The following CD200R1 variants were observed in gnomAD, a reference collection of about 807,000 sequenced individuals.
CD200R1 encodes the protein CD200 receptor 1.
Under a neutral mutation model 38.1 loss-of-function variants are expected in CD200R1, and 30 were observed. That is an observed-to-expected ratio of 0.79 (90% CI 0.59 to 1.07). The LOEUF is 1.07. Among genes scored for constraint, CD200R1 ranks in the 50% least tolerant of loss-of-function variants. CD200R1 has a pLI of 0.00. For missense variants in CD200R1, 372 were observed against 415.4 expected (o/e 0.90, Z 0.91); for synonymous variants, 128 against 152.1 (o/e 0.84, Z 1.16).
chr3:112,943,885 C>A (rs1035036772), intron 2 of CD200R1, among the ~76,000 whole-genome samples: 10 of 151,830 alleles, frequency 6.6e-5, no homozygotes, highest in African/African-American at 2.4e-4. Context: ...TGAAAAGATA[C>A]AACCTGCCAA....
Position 112,929,172 on chromosome 3 carries a change from A to C in CD200R1, c.520+18T>G, listed in dbSNP as rs766108513. Reference sequence around the variant, plus strand: ...AAATCTGGTGATGTGAAATACCTCAATATATGATGCTCCTTACCTAACACT... The same window carrying C: ...AAATCTGGTGATGTGAAATACCTCACTATATGATGCTCCTTACCTAACACT... On this transcript the variant is annotated intron_variant, in intron 4 of 7. Coordinates refer to ENST00000308611, the MANE Select transcript of CD200R1 (RefSeq NM_138806.4). 6.2e-7 allele frequency: 1 copy of C among 1,614,114 alleles called. No homozygotes were observed.
At chr3:112,932,657 A>T (rs1940476176) in intron 2 of CD200R1, among the ~76,000 whole-genome samples, 1 of 152,054 alleles carries the variant, frequency 6.6e-6, no homozygotes, top group Non-Finnish European at 1.5e-5. Context: ...ACCAACACTC[A>T]GGATCTGGGA....
chr3:112,950,803 A>G (rs1940957079), intron 1 of CD200R1, among the ~76,000 whole-genome samples: 1 of 152,214 alleles, frequency 6.6e-6, no homozygotes. Context: ...AATCAAACAC[A>G]CGTCTAAGCA....
At chr3:112,928,032 A>T (rs897022852) in intron 5 of CD200R1, among the ~76,000 whole-genome samples, 2 of 152,222 alleles carry the variant, frequency 1.3e-5, no homozygotes, top group Non-Finnish European at 2.9e-5. Flanking sequence ...GTTTGAAGGA[A>T]AGGAAGAAGG....
intron 1 of CD200R1, among the ~76,000 whole-genome samples, chr3:112,964,966 A>G (rs1471098266): frequency 1.3e-5 from 2 of 152,176 alleles, no homozygotes; most frequent in Non-Finnish European, 2.9e-5. Context: ...TTCCCTGCAC[A>G]AGCTCTCTTC....
chr3:112,943,927 TAGTA>T (rs1940781700), intron 2 of CD200R1, among the ~76,000 whole-genome samples: 1 of 151,808 alleles, frequency 6.6e-6, no homozygotes, highest in African/African-American at 2.4e-5. Flanking sequence ...GGACTATATC[TAGTA>T]AATAAATTAA....
At chr3:112,962,059 T>C (rs541715110) in intron 1 of CD200R1, among the ~76,000 whole-genome samples, 66 of 152,330 alleles carry the variant, frequency 4.3e-4, no homozygotes, top group African/African-American at 1.6e-3. Context: ...AAGCAGTAAG[T>C]ATTATGCTAA....
At chr3:112,972,325 T>C (rs1033420374) in intron 1 of CD200R1, among the ~76,000 whole-genome samples, 3 of 152,254 alleles carry the variant, frequency 2.0e-5, no homozygotes, top group Non-Finnish European at 4.4e-5. Context: ...CTTAGAGCCC[T>C]GTCTTGATTT....
chr3:112,944,962 C>T (rs1940812146), intron 2 of CD200R1, among the ~76,000 whole-genome samples: 1 of 152,056 alleles, frequency 6.6e-6, no homozygotes, highest in African/African-American at 2.4e-5. Flanking sequence ...AAACACAATA[C>T]CATTTATATT....
chr3:112,965,701 C>T (rs1190113175), intron 1 of CD200R1, among the ~76,000 whole-genome samples: 1 of 151,834 alleles, frequency 6.6e-6, no homozygotes, highest in African/African-American at 2.4e-5. Flanking sequence ...GCAGAGGTTG[C>T]AGTTAGCCGA....
intron 2 of CD200R1, among the ~76,000 whole-genome samples, chr3:112,941,083 T>C (rs984513352): frequency 2.0e-5 from 3 of 151,560 alleles, no homozygotes; most frequent in Admixed American, 6.6e-5. Flanking sequence ...TCTCATTCTA[T>C]GCAGAAGTTT....
chr3:112,964,593 C>T (rs1933109988), intron 1 of CD200R1, among the ~76,000 whole-genome samples: 3 of 152,208 alleles, frequency 2.0e-5, no homozygotes, highest in Non-Finnish European at 1.5e-5. Flanking sequence ...TTTCACAATG[C>T]CTGTACCCCC....
At chr3:112,931,408 C>T (rs986746454) in intron 2 of CD200R1, among the ~76,000 whole-genome samples, 17 of 152,070 alleles carry the variant, frequency 1.1e-4, no homozygotes, top group African/African-American at 3.9e-4. Context: ...CGTGATACAC[C>T]TTGTTTTGAA....
intron 5 of CD200R1, among the ~76,000 whole-genome samples, 179 bp from the exon 6 acceptor site, chr3:112,925,372 T>C (rs539949171): frequency 2.0e-5 from 3 of 152,230 alleles, no homozygotes; most frequent in Admixed American, 6.6e-5. Flanking sequence ...ATGATTCCAA[T>C]TGTAAGACAT....
intron 2 of CD200R1, among the ~76,000 whole-genome samples, chr3:112,932,225 C>T (rs1253296054): frequency 6.6e-6 from 1 of 152,168 alleles, no homozygotes; most frequent in Non-Finnish European, 1.5e-5. Context: ...CTAGTAGCCA[C>T]TGTACCTCTC....
chr3:112,973,810 A>C (rs995881647), intron 1 of CD200R1, among the ~76,000 whole-genome samples: 1 of 152,160 alleles, frequency 6.6e-6, no homozygotes, highest in African/African-American at 2.4e-5. Flanking sequence ...GTCTACCAAA[A>C]GTGAAACCTG....
At chr3:112,937,237 C>T (rs1349314315) in intron 2 of CD200R1, among the ~76,000 whole-genome samples, 1 of 152,126 alleles carries the variant, frequency 6.6e-6, no homozygotes, top group Non-Finnish European at 1.5e-5. Context: ...TGAGAATTCA[C>T]TCACTATCAT....
intron 2 of CD200R1, among the ~76,000 whole-genome samples, chr3:112,942,758 AG>A (rs1940756070): frequency 6.6e-6 from 1 of 151,556 alleles, no homozygotes; most frequent in South Asian, 2.1e-4. Flanking sequence ...ATATATATGT[AG>A]TTTGAAAGAA....
At position 112,947,822 on chromosome 3, in the gene CD200R1, C is replaced by T. The variant is rs762209196; in HGVS notation, c.136+34G>A. On this transcript the variant is annotated intron_variant, in intron 2 of 7. Transcript: ENST00000308611. ...AACCTATATGGACATCAAGCACTCC[C>T]CTACTAGAATTATTGTTAAAAGATG... is the stretch of plus-strand genomic sequence containing the variant. 6 of 1,427,716 alleles carry T rather than the reference C, an allele frequency of 4.2e-6. No individual in the cohort carries two copies. In the South Asian group the frequency reaches 5.7e-5, roughly 14 times the overall value. The allele number at this position is 1,427,716 out of a possible 1,614,324, so 88.4% of individuals were successfully genotyped here. A position where few individuals can be genotyped will look rare whatever the true frequency, so the allele number is the denominator to read the frequency against.
Sources: gnomAD v4.1 joint callset for allele counts (sites outside exome capture counted in the v4.1 genomes callset) on GRCh38, gnomAD v4.1.1 for gene constraint, MANE v1.5 for transcripts, NCBI Gene and HGNC (gene_info 2026-07-23, HGNC 2026-07-21) for gene names.